Variants in MAPT observed in about 807,000 individuals in gnomAD.
MAPT encodes the protein microtubule-associated protein tau.
Under a neutral mutation model 67.9 loss-of-function variants are expected in MAPT, and 34 were observed. The observed-to-expected ratio is 0.50, with a 90% CI of 0.38 to 0.67. MAPT has a LOEUF of 0.67. Ranked by LOEUF, MAPT falls within the 30% of genes least tolerant of loss-of-function variation. The pLI is 0.00. For synonymous variants in MAPT, 456 were observed against 464.5 expected (o/e 0.98, Z 0.23); for missense variants, 881 against 1,115.2 (o/e 0.79, Z 2.99).
intron 9 of MAPT, among the ~76,000 whole-genome samples, chr17:45,998,296 A>C (rs908691709): frequency 1.3e-5 from 2 of 151,736 alleles, no homozygotes; most frequent in African/African-American, 2.4e-5. Context: ...GCAGTGTCAC[A>C]TCCCATCGGG....
chr17:45,919,894 C>A (rs1229119828), intron 1 of MAPT, among the ~76,000 whole-genome samples: 1 of 152,188 alleles, frequency 6.6e-6, no homozygotes, highest in African/African-American at 2.4e-5. Context: ...GCCTGAGTAA[C>A]AGAATGAGAT....
At chr17:45,921,115 A>T (rs1270939510) in intron 1 of MAPT, among the ~76,000 whole-genome samples, 1 of 152,204 alleles carries the variant, frequency 6.6e-6, no homozygotes, top group East Asian at 1.9e-4. Context: ...ATAATCCCTT[A>T]GTTGTCCTGC....
intron 9 of MAPT, among the ~76,000 whole-genome samples, chr17:45,998,181 G>A (rs1282806242): frequency 3.3e-5 from 5 of 152,140 alleles, no homozygotes; most frequent in Non-Finnish European, 7.4e-5. Context: ...TGAGCCTGGG[G>A]CATTTGGACG....
chr17:45,997,146 C>G (rs368014336), intron 9 of MAPT, among the ~76,000 whole-genome samples: 1 of 152,148 alleles, frequency 6.6e-6, no homozygotes, highest in Non-Finnish European at 1.5e-5. Context: ...CTGTTTTGAT[C>G]AGCTGATTCT....
At chr17:45,902,864 C>G (rs2063711017) in intron 1 of MAPT, among the ~76,000 whole-genome samples, 1 of 152,144 alleles carries the variant, frequency 6.6e-6, no homozygotes, top group South Asian at 2.1e-4. Flanking sequence ...TCCTTTGGCC[C>G]CGTCCACCCT....
At chr17:45,999,678 T>C (rs71375329) in intron 9 of MAPT, 1,571,655 of 1,581,844 alleles carry the variant, frequency 0.99, 781,193 homozygotes, top group Non-Finnish European at 1. Flanking sequence ...AAGGGGCAGA[T>C]GGGAGCCCCA....
At chr17:45,919,817 G>T (rs2144364416) in intron 1 of MAPT, among the ~76,000 whole-genome samples, 1 of 152,374 alleles carries the variant, frequency 6.6e-6, no homozygotes, top group African/African-American at 2.4e-5. Context: ...GAAGGCTGAG[G>T]TGGGAGGATC....
chr17:45,997,704 G>T (rs1194911401), intron 9 of MAPT, among the ~76,000 whole-genome samples: 1 of 152,170 alleles, frequency 6.6e-6, no homozygotes, highest in Non-Finnish European at 1.5e-5. Flanking sequence ...AGGTTGCAGT[G>T]AGCCGAGATA....
chr17:45,926,016 G>C (rs1241113902), intron 1 of MAPT, among the ~76,000 whole-genome samples: 2 of 152,046 alleles, frequency 1.3e-5, no homozygotes, highest in African/African-American at 2.4e-5. Context: ...TTCGAGACCA[G>C]CCTGGCCAAC....
chr17:45,899,851 G>A (rs558843685), intron 1 of MAPT, among the ~76,000 whole-genome samples: 41 of 152,198 alleles, frequency 2.7e-4, no homozygotes, highest in African/African-American at 9.4e-4. Context: ...TCTTCCTAAG[G>A]TCCTTAAACC....
At chr17:45,916,614 CA>C (rs1458495118) in intron 1 of MAPT, among the ~76,000 whole-genome samples, 1 of 152,192 alleles carries the variant, frequency 6.6e-6, no homozygotes, top group Admixed American at 6.5e-5. Context: ...AAATGTGTGA[CA>C]GCCTTCAGTG....
chr17:45,911,839 C>T (rs2064820237), intron 1 of MAPT, among the ~76,000 whole-genome samples: 1 of 152,132 alleles, frequency 6.6e-6, no homozygotes. Flanking sequence ...AGATACATAA[C>T]TTATATATTT....
chr17:45,965,978 C>A (rs2071036492), intron 2 of MAPT, among the ~76,000 whole-genome samples: 1 of 152,124 alleles, frequency 6.6e-6, no homozygotes, highest in Non-Finnish European at 1.5e-5. Context: ...CCCACATGGA[C>A]CATATTTCCC....
At chr17:45,978,527 C>A in intron 4 of MAPT, 87 bp downstream of exon 4, 1 of 1,085,664 alleles carries the variant, frequency 9.2e-7, no homozygotes, top group Non-Finnish European at 1.4e-6. Context: ...TCATTTGGAC[C>A]TGAGCTCTAA....
chr17:45,954,280 TACAAC>T (rs1404247859), intron 1 of MAPT, among the ~76,000 whole-genome samples: 1 of 152,194 alleles, frequency 6.6e-6, no homozygotes, highest in Admixed American at 6.5e-5. Flanking sequence ...GTTGAGCAGT[TACAAC>T]AGAGACCACG....
At chr17:45,903,510 G>A (rs908663212) in intron 1 of MAPT, among the ~76,000 whole-genome samples, 7 of 151,424 alleles carry the variant, frequency 4.6e-5, no homozygotes, top group Non-Finnish European at 8.8e-5. Context: ...ATGAGGTTAG[G>A]AGATTGAGAC....
intron 1 of MAPT, among the ~76,000 whole-genome samples, chr17:45,903,780 TTAAAATATAA>T: frequency 2.6e-5 from 2 of 77,218 alleles, no homozygotes; most frequent in Non-Finnish European, 5.4e-5. Context: ...ATAATATATA[TTAAAATATAA>T]TATATATATT....
intron 11 of MAPT, among the ~76,000 whole-genome samples, chr17:46,017,744 C>T (rs971027394): frequency 2.0e-5 from 3 of 147,876 alleles, no homozygotes; most frequent in Non-Finnish European, 3.0e-5. Context: ...CAGGCATGAG[C>T]CACCACGCCC....
intron 1 of MAPT, among the ~76,000 whole-genome samples, chr17:45,938,749 TCCTC>T (rs750218471): frequency 1.3e-5 from 2 of 151,420 alleles, no homozygotes; most frequent in Non-Finnish European, 2.9e-5. Flanking sequence ...GCTCAGGTGA[TCCTC>T]CCACCTCAGC....
Sources: gnomAD v4.1 joint callset for allele counts (sites outside exome capture counted in the v4.1 genomes callset) on GRCh38, gnomAD v4.1.1 for gene constraint, MANE v1.5 for transcripts, NCBI Gene and HGNC (gene_info 2026-07-23, HGNC 2026-07-21) for gene names.